The following ALDH1A2 variants were observed in gnomAD, a reference collection of about 807,000 sequenced individuals.
The protein encoded by ALDH1A2 is retinal dehydrogenase 2.
Under a neutral mutation model 60.3 loss-of-function variants are expected in ALDH1A2, and 27 were observed. The observed-to-expected ratio is 0.45, with a 90% CI of 0.33 to 0.62. The LOEUF (loss-of-function observed/expected upper bound fraction) is 0.62. Among genes scored for constraint, ALDH1A2 ranks in the 20% least tolerant of loss-of-function variants. The pLI, the probability that ALDH1A2 is intolerant of heterozygous loss-of-function variation, is 0.02. For missense variants in ALDH1A2, 581 were observed against 643.8 expected (o/e 0.90, Z 1.06); for synonymous variants, 289 against 232.4 (o/e 1.24, Z -2.21).
intron 9 of ALDH1A2, among the ~76,000 whole-genome samples, chr15:57,962,466 C>G (rs1334290211): frequency 6.6e-6 from 1 of 152,144 alleles, no homozygotes; most frequent in African/African-American, 2.4e-5. Flanking sequence ...GATGGAGACA[C>G]TGGCTAATTT....
chr15:57,956,541 G>T (rs1165329140), intron 12 of ALDH1A2, among the ~76,000 whole-genome samples: 1 of 152,170 alleles, frequency 6.6e-6, no homozygotes. Context: ...ACAGAGGGCG[G>T]CCAAGGAGAG....
At chr15:57,992,638 T>C in intron 7 of ALDH1A2, 67 bp downstream of exon 7, 5 of 1,438,200 alleles carry the variant, frequency 3.5e-6, no homozygotes, top group Admixed American at 3.4e-5. Context: ...ACTAGTTTTA[T>C]TGTTTTTGTA....
At position 57,954,953 on chromosome 15, in the gene ALDH1A2, TCCTC is replaced by T. The variant is rs1313625547; in HGVS notation, c.*240_*243del. On this transcript the variant is annotated 3_prime_UTR_variant, in exon 13 of 13. Transcript: ENST00000249750. ...ACTGGATGTGTCTGCTAGCTCCTCCTCCTCCCTTTATCCCACTTTCCCCAATATT... is the reference window on the plus strand; with the variant it reads ...ACTGGATGTGTCTGCTAGCTCCTCCTCCTTTATCCCACTTTCCCCAATATT... 1.7e-6 allele frequency: 1 copy of T among 582,878 alleles called. No individual in the cohort carries two copies. The highest frequency in any genetic ancestry group is 3.1e-6 in the Non-Finnish European group (1 of 325,314). 36.1% of individuals were successfully genotyped at this position (582,878 alleles called of 1,614,324 possible).
chr15:57,985,699 T>A (rs1157974990), intron 7 of ALDH1A2, among the ~76,000 whole-genome samples: 5 of 152,170 alleles, frequency 3.3e-5, no homozygotes, highest in Non-Finnish European at 7.3e-5. Flanking sequence ...TATGTATGTT[T>A]ACTATACATA....
chr15:57,955,604 C>T (rs926063882), intron 12 of ALDH1A2, among the ~76,000 whole-genome samples: 1 of 152,228 alleles, frequency 6.6e-6, no homozygotes, highest in Non-Finnish European at 1.5e-5. Context: ...CCAGAGGGCA[C>T]ACAGATGACC....
chr15:57,989,362 T>C (rs1411369870), intron 7 of ALDH1A2, among the ~76,000 whole-genome samples: 1 of 152,186 alleles, frequency 6.6e-6, no homozygotes, highest in African/African-American at 2.4e-5. Context: ...AATATGGACA[T>C]GTAATGTTAT....
chr15:57,960,732 T>C, intron 12 of ALDH1A2, 38 bp downstream of exon 12: 1 of 1,543,052 alleles, frequency 6.5e-7, no homozygotes, highest in Non-Finnish European at 9.0e-7. Context: ...ATATTTGCAA[T>C]CTATTTCTCT....
intron 1 of ALDH1A2, among the ~76,000 whole-genome samples, chr15:58,061,610 C>CAAACAAA (rs1897038423): frequency 1.0e-5 from 1 of 100,330 alleles, no homozygotes; most frequent in Non-Finnish European, 2.1e-5. Context: ...AAAAAAAAAA[C>CAAACAAA]AAAAAAAAAA....
intron 1 of ALDH1A2, among the ~76,000 whole-genome samples, chr15:58,053,624 T>C (rs1250571466): frequency 6.6e-6 from 1 of 152,190 alleles, no homozygotes; most frequent in Non-Finnish European, 1.5e-5. Flanking sequence ...CATCAGGAGT[T>C]CCAAAAATCA....
At chr15:58,021,590 G>A (rs1241449744) in intron 1 of ALDH1A2, among the ~76,000 whole-genome samples, 2 of 152,202 alleles carry the variant, frequency 1.3e-5, no homozygotes, top group African/African-American at 4.8e-5. Context: ...CTGCTCCTAG[G>A]AGAGAACTTA....
intron 7 of ALDH1A2, among the ~76,000 whole-genome samples, chr15:57,972,407 G>A (rs72737411): frequency 0.087 from 13,169 of 152,188 alleles, 853 homozygotes; most frequent in Non-Finnish European, 0.12. Context: ...TCTATTTCAG[G>A]TAAGCTTTAA....
At chr15:57,998,985 A>G (rs1895161336) in intron 4 of ALDH1A2, among the ~76,000 whole-genome samples, 2 of 152,186 alleles carry the variant, frequency 1.3e-5, no homozygotes, top group African/African-American at 4.8e-5. Context: ...TGCTGGGAAA[A>G]CTAGCTAGCA....
chr15:58,052,203 T>C (rs1258951046), intron 1 of ALDH1A2, among the ~76,000 whole-genome samples: 2 of 152,108 alleles, frequency 1.3e-5, no homozygotes, highest in African/African-American at 4.8e-5. Flanking sequence ...AGACAGTATT[T>C]TCAACAAAAC....
intron 4 of ALDH1A2, among the ~76,000 whole-genome samples, chr15:58,008,855 C>T (rs1410620056): frequency 6.6e-6 from 1 of 152,084 alleles, no homozygotes; most frequent in Non-Finnish European, 1.5e-5. Context: ...TAGGTATGCT[C>T]ATAACGAATA....
chr15:58,060,463 C>CTTTTTTTTTTTTTTTTTTTTT (rs35187901), intron 1 of ALDH1A2, among the ~76,000 whole-genome samples: 12 of 87,512 alleles, frequency 1.4e-4, no homozygotes, highest in Admixed American at 2.9e-4. Context: ...CCACACATAT[C>CTTTTTTTTTTTTTTTTTTTTT]TTTTTTTTTT....
intron 2 of ALDH1A2, 78 bp from the exon 3 acceptor site, chr15:58,014,076 G>T: frequency 6.2e-7 from 1 of 1,613,926 alleles, no homozygotes; most frequent in Non-Finnish European, 8.5e-7. Flanking sequence ...TGAAAAAAGT[G>T]AAGCATGAGC....
At chr15:57,963,409 C>T (rs1893791982) in intron 9 of ALDH1A2, among the ~76,000 whole-genome samples, 1 of 148,562 alleles carries the variant, frequency 6.7e-6, no homozygotes. Flanking sequence ...AGTGCAGTGG[C>T]ACAGTCTGTA....
intron 4 of ALDH1A2, among the ~76,000 whole-genome samples, chr15:57,998,660 T>C (rs1298205737): frequency 2.0e-5 from 3 of 152,082 alleles, no homozygotes; most frequent in African/African-American, 7.2e-5. Flanking sequence ...GCTATTGTCA[T>C]TAAACTACCA....
At chr15:58,017,531 T>C (rs1417627346) in intron 1 of ALDH1A2, among the ~76,000 whole-genome samples, 3 of 152,184 alleles carry the variant, frequency 2.0e-5, no homozygotes, top group African/African-American at 7.2e-5. Context: ...ACTGTGATAA[T>C]AATGCATATG....
Sources: allele counts gnomAD v4.1 joint callset (sites outside exome capture counted in the v4.1 genomes callset), GRCh38; gene constraint gnomAD v4.1.1; transcripts MANE v1.5; gene names NCBI Gene and HGNC (gene_info 2026-07-23, HGNC 2026-07-21).